NR3C1: variants seen among roughly 807,000 people sequenced by gnomAD.
NR3C1 encodes nuclear receptor subfamily 3 group C member 1, also known as glucocorticoid receptor.
In NR3C1, 14 loss-of-function variants were observed where a neutral mutation model predicts 74.0. The ratio of observed to expected loss-of-function variants is 0.19; its 90% CI spans 0.12 to 0.30. The LOEUF is 0.30. NR3C1 is among the 10% of genes least tolerant of loss of function. The pLI is 1.00. For missense variants in NR3C1, 695 were observed against 909.8 expected (o/e 0.76, Z 3.04); for synonymous variants, 308 against 332.5 (o/e 0.93, Z 0.80).
chr5:143,354,043 T>C (rs144497928), intron 2 of NR3C1, among the ~76,000 whole-genome samples: 2,273 of 152,358 alleles, frequency 0.015, 38 homozygotes, highest in Non-Finnish European at 0.02. Flanking sequence ...CCTTACACTT[T>C]TATGTTACAG....
At chr5:143,430,441 G>A (rs1422365382) in intron 1 of NR3C1, among the ~76,000 whole-genome samples, 1 of 152,194 alleles carries the variant, frequency 6.6e-6, no homozygotes, top group Admixed American at 6.5e-5. Context: ...GAGTAGGAAA[G>A]TTTCACGGTA....
At chr5:143,396,217 T>C (rs1302402929) in intron 2 of NR3C1, among the ~76,000 whole-genome samples, 1 of 151,842 alleles carries the variant, frequency 6.6e-6, no homozygotes, top group African/African-American at 2.4e-5. Context: ...GAATACACAG[T>C]GTGTTTTAAA....
intron 2 of NR3C1, among the ~76,000 whole-genome samples, chr5:143,358,876 G>A (rs1016845296): frequency 2.0e-5 from 3 of 151,150 alleles, no homozygotes; most frequent in Admixed American, 6.6e-5. Flanking sequence ...CTCCAGCCCC[G>A]TGAACAAGAG....
chr5:143,296,199 C>T (rs1167861980), intron 6 of NR3C1, among the ~76,000 whole-genome samples: 1 of 151,950 alleles, frequency 6.6e-6, no homozygotes, highest in Non-Finnish European at 1.5e-5. Context: ...AAATAGGTCT[C>T]TAAAGTTTCC....
At position 143,391,195 on chromosome 5, in the gene NR3C1, T is replaced by C. The variant is rs570567841; in HGVS notation, c.1184+8461A>G. 2.6e-5 allele frequency among the ~76,000 whole-genome samples: 4 copies of C among 152,316 alleles called. No individual in the cohort carries two copies. In the South Asian group the frequency reaches 8.3e-4, roughly 32 times the overall value. On this transcript the variant is annotated intron_variant, in intron 2 of 8. Transcript: ENST00000394464. Reference sequence around the variant, plus strand: ...CCTACAAACTTAGGTTCTACATCGGTATGTTTACCAATTTAAACTGCCGTT... The same window carrying C: ...CCTACAAACTTAGGTTCTACATCGGCATGTTTACCAATTTAAACTGCCGTT...
At chr5:143,433,914 C>G (rs1229987426) in intron 1 of NR3C1, 1 of 152,490 alleles carries the variant, frequency 6.6e-6, no homozygotes, top group Admixed American at 6.5e-5. Flanking sequence ...GCACCTGGCT[C>G]CTGGCTGCCT....
chr5:143,305,259 T>A (rs552411537), intron 4 of NR3C1, among the ~76,000 whole-genome samples: 1 of 151,998 alleles, frequency 6.6e-6, no homozygotes, highest in East Asian at 1.9e-4. Context: ...AACAAACATA[T>A]GGAAAAATGC....
intron 1 of NR3C1, among the ~76,000 whole-genome samples, chr5:143,426,345 A>AT (rs1751528464): frequency 6.6e-6 from 1 of 152,198 alleles, no homozygotes; most frequent in South Asian, 2.1e-4. Context: ...AACTCACTGA[A>AT]TTGTACTTTT....
At chr5:143,366,057 A>G (rs1184528409) in intron 2 of NR3C1, among the ~76,000 whole-genome samples, 1 of 152,246 alleles carries the variant, frequency 6.6e-6, no homozygotes, top group East Asian at 1.9e-4. Context: ...CACCTTACAA[A>G]GAAGTAAGAA....
intron 7 of NR3C1, among the ~76,000 whole-genome samples, chr5:143,288,719 T>G (rs1815154973): frequency 6.6e-6 from 1 of 152,080 alleles, no homozygotes; most frequent in South Asian, 2.1e-4. Context: ...GCGATCTGCC[T>G]GCCTTGGCCT....
At position 143,321,985 on chromosome 5, in the gene NR3C1, T is replaced by A. The variant is rs77179685; in HGVS notation, c.1185-7817A>T. ...ACAAAGTTCAGTATATGTTCACTTA[T>A]TTTTCTTATTTATACTTTCTATCTT... On this transcript the variant is annotated intron_variant, in intron 2 of 8. Transcript: ENST00000394464. Among the ~76,000 whole-genome samples, 155 of 152,328 alleles carry A rather than the reference T, an allele frequency of 1.0e-3. 3 individuals carry two copies. The East Asian group carries it at 0.022, about 22-fold the overall frequency.
At chr5:143,396,768 T>C (rs1335695969) in intron 2 of NR3C1, among the ~76,000 whole-genome samples, 1 of 151,752 alleles carries the variant, frequency 6.6e-6, no homozygotes, top group African/African-American at 2.4e-5. Flanking sequence ...ATCCCTCCCT[T>C]CAGGATACGA....
At chr5:143,350,416 G>A (rs1353079976) in intron 2 of NR3C1, among the ~76,000 whole-genome samples, 1 of 152,092 alleles carries the variant, frequency 6.6e-6, no homozygotes, top group Non-Finnish European at 1.5e-5. Context: ...AGGGGAAAAG[G>A]GTAGTTAGGG....
At chr5:143,340,083 A>G (rs1416081480) in intron 2 of NR3C1, among the ~76,000 whole-genome samples, 1 of 152,186 alleles carries the variant, frequency 6.6e-6, no homozygotes, top group Non-Finnish European at 1.5e-5. Flanking sequence ...TTATATTAAT[A>G]TAATTTAATA....
At position 143,403,351 on chromosome 5, in the gene NR3C1, T is replaced by C. The variant is rs1156688585; in HGVS notation, c.-154A>G. The C allele has an allele frequency of 5.1e-6, 5 of 985,308 alleles. No homozygotes were observed. The African/African-American group carries it at 7.0e-5, about 14-fold the overall frequency. The allele number at this position is 985,308 out of a possible 1,614,324, so 61.0% of individuals were successfully genotyped here. ...AAAAAAGGAAGTAAACAGCCGCCCC[T>C]TTCTCCATGGGTGGGGGGAGAGCCC... is the stretch of plus-strand genomic sequence containing the variant. On this transcript the variant is annotated 5_prime_UTR_variant, in exon 1 of 9. Transcript: ENST00000394464.
At chr5:143,312,689 A>G (rs1821226369) in intron 3 of NR3C1, among the ~76,000 whole-genome samples, 1 of 152,186 alleles carries the variant, frequency 6.6e-6, no homozygotes, top group Non-Finnish European at 1.5e-5. Flanking sequence ...CTGAATGCGT[A>G]TCACTTTCCC....
At chr5:143,349,395 C>G (rs1469574954) in intron 2 of NR3C1, among the ~76,000 whole-genome samples, 3 of 152,080 alleles carry the variant, frequency 2.0e-5, no homozygotes, top group Non-Finnish European at 4.4e-5. Context: ...TATTTCTATC[C>G]CCTAATCCTT....
At chr5:143,405,522 C>T (rs1484576854), upstream of NR3C1, among the ~76,000 whole-genome samples, 2 of 152,176 alleles carry the variant, frequency 1.3e-5, no homozygotes, top group African/African-American at 4.8e-5. Context: ...CCTTGGTTCT[C>T]AAGGGTAAAC....
chr5:143,414,667 G>A (rs545906580), intron 1 of NR3C1, among the ~76,000 whole-genome samples: 1 of 152,054 alleles, frequency 6.6e-6, no homozygotes, highest in Non-Finnish European at 1.5e-5. Flanking sequence ...TTCTACCTAT[G>A]AGATATCTTT....
Sources: gnomAD v4.1 joint callset for allele counts (sites outside exome capture counted in the v4.1 genomes callset) on GRCh38, gnomAD v4.1.1 for gene constraint, MANE v1.5 for transcripts, NCBI Gene and HGNC (gene_info 2026-07-23, HGNC 2026-07-21) for gene names.